DENND11: variants seen among roughly 807,000 people sequenced by gnomAD.
The protein encoded by DENND11 is DENN domain-containing protein 11.
A neutral mutation model predicts 49.2 loss-of-function variants in DENND11; 34 were observed. That is an observed-to-expected ratio of 0.69 (90% confidence interval 0.53 to 0.92). DENND11 has a LOEUF of 0.92. DENND11 is among the 40% of genes least tolerant of loss of function. The pLI is 0.00. For synonymous variants in DENND11, 238 were observed against 230.3 expected (o/e 1.03, Z -0.30); for missense variants, 475 against 581.6 (o/e 0.82, Z 1.88).
chr7:141,674,424 C>T (rs958509000), intron 3 of DENND11, among the ~76,000 whole-genome samples: 13 of 152,160 alleles, frequency 8.5e-5, no homozygotes, highest in Admixed American at 2.0e-4. Flanking sequence ...AGGAAAAGTT[C>T]AAACATGGGC....
At chr7:141,681,311 G>T (rs1798143484) in intron 3 of DENND11, among the ~76,000 whole-genome samples, 1 of 152,180 alleles carries the variant, frequency 6.6e-6, no homozygotes, top group Admixed American at 6.5e-5. Flanking sequence ...CCTACTAAGG[G>T]TCATGTGTTC....
At chr7:141,679,126 A>G (rs1031996160) in intron 3 of DENND11, among the ~76,000 whole-genome samples, 1 of 152,202 alleles carries the variant, frequency 6.6e-6, no homozygotes, top group African/African-American at 2.4e-5. Flanking sequence ...GTATTCAAGT[A>G]TTATCCTAAG....
chr7:141,691,282 C>T (rs1331836041), intron 1 of DENND11, among the ~76,000 whole-genome samples: 3 of 152,192 alleles, frequency 2.0e-5, no homozygotes, highest in Admixed American at 6.5e-5. Flanking sequence ...CATTGGTCAA[C>T]GTGGGTCTAG....
intron 4 of DENND11, among the ~76,000 whole-genome samples, chr7:141,672,099 A>G (rs1587209797): frequency 6.6e-6 from 1 of 152,202 alleles, no homozygotes; most frequent in South Asian, 2.1e-4. Flanking sequence ...ACCTCCTGAG[A>G]GGTCCCAGCA....
intron 1 of DENND11, among the ~76,000 whole-genome samples, chr7:141,691,036 T>A (rs1798320136): frequency 6.6e-6 from 1 of 152,214 alleles, no homozygotes; most frequent in Non-Finnish European, 1.5e-5. Flanking sequence ...CCATATCCAC[T>A]CTTCTCTTCT....
chr7:141,668,042 C>T (rs774227640), intron 4 of DENND11, among the ~76,000 whole-genome samples: 3 of 152,240 alleles, frequency 2.0e-5, no homozygotes, highest in East Asian at 1.9e-4. Flanking sequence ...AAGCACGTGC[C>T]GGTTCCTCCC....
At chr7:141,684,275 G>C (rs1465925847) in intron 3 of DENND11, among the ~76,000 whole-genome samples, 1 of 152,062 alleles carries the variant, frequency 6.6e-6, no homozygotes, top group African/African-American at 2.4e-5. Flanking sequence ...GTAAAGTACT[G>C]ACACCATATT....
chr7:141,693,064 A>T (rs1396343904), intron 1 of DENND11, among the ~76,000 whole-genome samples: 1 of 152,218 alleles, frequency 6.6e-6, no homozygotes, highest in African/African-American at 2.4e-5. Context: ...TATTAAGGGA[A>T]CGAAAAGACA....
In DENND11 at chr7:141,660,897, AGAG is replaced by A. The variant is rs1040206844; in HGVS notation, c.*1756_*1758del. The A allele has an allele frequency of 2.5e-4, 38 of 152,740 alleles. No individual in the cohort carries two copies. Among genetic ancestry groups the A allele is most frequent in the African/African-American group, 7.5e-4 (31 of 41,548 alleles). 9.5% of individuals were successfully genotyped at this position (152,740 alleles called of 1,614,324 possible). A position where few individuals can be genotyped will look rare whatever the true frequency, so the allele number is the denominator to read the frequency against. ...CTGAAATGACAGCAACCCACATTGCAGAGGAGAAAAGTCTATTAGCTGTACAGT... is the reference window on the plus strand; with the variant it reads ...CTGAAATGACAGCAACCCACATTGCAGAGAAAAGTCTATTAGCTGTACAGT... On this transcript the variant is annotated 3_prime_UTR_variant, in exon 9 of 9. Transcript: ENST00000536163.
intron 1 of DENND11, among the ~76,000 whole-genome samples, chr7:141,699,314 G>A (rs1406116440): frequency 6.6e-6 from 1 of 152,034 alleles, no homozygotes; most frequent in Non-Finnish European, 1.5e-5. Context: ...CACACAAGGG[G>A]TACATCAGGC....
At chr7:141,670,202 T>C (rs986525652) in intron 4 of DENND11, among the ~76,000 whole-genome samples, 4 of 152,312 alleles carry the variant, frequency 2.6e-5, no homozygotes, top group African/African-American at 9.6e-5. Context: ...TCCCATACTT[T>C]ACCTCATCCA....
intron 3 of DENND11, among the ~76,000 whole-genome samples, chr7:141,684,011 T>C (rs888410046): frequency 5.3e-5 from 8 of 152,226 alleles, no homozygotes; most frequent in Admixed American, 2.6e-4. Context: ...CACTGCAGCA[T>C]TGAACTTCTG....
Position 141,666,282 on chromosome 7 carries a change from G to A in DENND11, c.820+5C>T, listed in dbSNP as rs968133794. ...GCAGCACTCCTGACTCTGGCTTCTG[G>A]TTACCTCTATAGCACACCACGCCCA... On this transcript the variant is annotated splice_donor_5th_base_variant and intron_variant, in intron 5 of 8. Transcript: ENST00000536163. 1 of 1,593,604 alleles carries A rather than the reference G, an allele frequency of 6.3e-7. No homozygotes were observed. Among genetic ancestry groups the A allele is most frequent in the African/African-American group, 1.3e-5 (1 of 74,370 alleles).
rs180726485 is a variant in DENND11 at position 141,667,785 on chromosome 7, C to G, written c.682-1360G>C. Reference sequence around the variant, plus strand: ...TGTCCTGGACCCTCCGAAGCTGTGTCTGCACTACCCGGAGAGGATTTCCCT... The same window carrying G: ...TGTCCTGGACCCTCCGAAGCTGTGTGTGCACTACCCGGAGAGGATTTCCCT... On this transcript the variant is annotated intron_variant, in intron 4 of 8. Transcript: ENST00000536163. Among the ~76,000 whole-genome samples the G allele has an allele frequency of 7.1e-4, 108 of 152,348 alleles. 2 individuals carry two copies. In the East Asian group the frequency reaches 0.02, roughly 28 times the overall value.
Position 141,685,630 on chromosome 7 carries a change from G to A in DENND11, c.375C>T (p.Phe125=), listed in dbSNP as rs1563002539. 1.2e-6 allele frequency: 2 copies of A among 1,613,942 alleles called. No individual in the cohort carries two copies. The highest frequency in any genetic ancestry group is 1.3e-5 in the African/African-American group (1 of 75,060). The part of the protein sequence containing the change: ...SHKIQSDFIY[F]RKGPFFGLAC... ...CCAGGCCGAAGAAGGGCCCCTTTCG[G>A]AAATAGCTAGAAGAGACCAAATACG... The change falls in exon 3 of 9, where the codon TTC becomes TTT. Residue 125 remains phenylalanine (F), a synonymous_variant. Transcript: ENST00000536163.
chr7:141,659,545 T>A lies in DENND11; in HGVS notation c.*3111A>T, dbSNP rs1392612178. On this transcript the variant is annotated 3_prime_UTR_variant, in exon 9 of 9. Coordinates refer to ENST00000536163, the MANE Select transcript of DENND11 (RefSeq NM_001080392.2). Reference sequence around the variant, plus strand: ...AGGCCTTTGTCATATTTTGCATGGATACCAACGAGCCCCAAACCTGAATTC... The same window carrying A: ...AGGCCTTTGTCATATTTTGCATGGAAACCAACGAGCCCCAAACCTGAATTC... 1 of 152,236 alleles carries A rather than the reference T, an allele frequency of 6.6e-6. No homozygotes were observed. The highest frequency in any genetic ancestry group is 2.4e-5 in the African/African-American group (1 of 41,438). The allele number at this position is 152,236 out of a possible 1,614,324, so 9.4% of individuals were successfully genotyped here.
chr7:141,674,189 G>A lies in DENND11; in HGVS notation c.559C>T (p.His187Tyr), dbSNP rs971381284. 1 of 1,552,022 alleles carries A rather than the reference G, an allele frequency of 6.4e-7. No individual in the cohort carries two copies. The highest frequency in any genetic ancestry group is 1.4e-5 in the African/African-American group (1 of 71,990). ...TTGTCCTCATAGAAGGCAGCCAGAT[G>A]AGAGTAATGTCCTGGCATCTCCAAC... ...HQLEMPGHYS[H>Y]LAAFYEDKKG... is the part of the protein sequence containing the mutation. Residue 187 changes from histidine (H) to tyrosine (Y), a missense_variant, in exon 4 of 9, where the codon CAT becomes TAT. By Grantham distance (83) the His-to-Tyr change is moderately conservative (BLOSUM62 2). Transcript: ENST00000536163.
At chr7:141,697,807 G>A (rs372813044) in intron 1 of DENND11, among the ~76,000 whole-genome samples, 115 of 152,236 alleles carry the variant, frequency 7.6e-4, no homozygotes, top group African/African-American at 2.6e-3. Flanking sequence ...ATTAAAATTA[G>A]TGTGTGTGAT....
intron 1 of DENND11, among the ~76,000 whole-genome samples, chr7:141,687,653 A>G (rs1375293820): frequency 9.4e-5 from 5 of 52,950 alleles, no homozygotes; most frequent in Non-Finnish European, 1.9e-4. Context: ...TTTTTTTTTG[A>G]GACAGAGTCT....
Sources: gnomAD v4.1 joint callset for allele counts (sites outside exome capture counted in the v4.1 genomes callset) on GRCh38, gnomAD v4.1.1 for gene constraint, MANE v1.5 for transcripts, NCBI Gene and HGNC (gene_info 2026-07-23, HGNC 2026-07-21) for gene names.